Variants in FOXK2 observed in about 807,000 individuals in gnomAD.
FOXK2 encodes the protein forkhead box protein K2.
A neutral mutation model predicts 53.3 loss-of-function variants in FOXK2; 24 were observed. The ratio of observed to expected loss-of-function variants is 0.45; its 90% CI spans 0.33 to 0.63. The LOEUF (loss-of-function observed/expected upper bound fraction) is 0.63, where lower values mean the gene tolerates loss of function less well. FOXK2 is among the 30% of genes least tolerant of loss of function. The pLI, the probability that FOXK2 is intolerant of heterozygous loss-of-function variation, is 0.03. For missense variants in FOXK2, 952 were observed against 910.5 expected (o/e 1.05, Z -0.59); for synonymous variants, 505 against 407.1 (o/e 1.24, Z -2.89).
intron 1 of FOXK2, among the ~76,000 whole-genome samples, chr17:82,548,427 G>A (rs2044647039): frequency 6.6e-6 from 1 of 151,966 alleles, no homozygotes. Flanking sequence ...ATCTCTACAT[G>A]TGCTTTTGGC....
At chr17:82,561,923 G>A (rs1051835795) in intron 1 of FOXK2, among the ~76,000 whole-genome samples, 4 of 150,598 alleles carry the variant, frequency 2.7e-5, no homozygotes, top group Non-Finnish European at 4.4e-5. Flanking sequence ...GGGGGTGCCC[G>A]CACTGGGCGC....
At chr17:82,538,560 A>G (rs2044543289) in intron 1 of FOXK2, among the ~76,000 whole-genome samples, 1 of 152,264 alleles carries the variant, frequency 6.6e-6, no homozygotes, top group African/African-American at 2.4e-5. Context: ...TGTTGCAGAC[A>G]GAAGAATGCC....
At chr17:82,533,964 A>G (rs968666591) in intron 1 of FOXK2, among the ~76,000 whole-genome samples, 1 of 149,300 alleles carries the variant, frequency 6.7e-6, no homozygotes, top group East Asian at 2.0e-4. Flanking sequence ...ACACCGGTGC[A>G]CTCCAGCCCA....
chr17:82,529,775 A>G (rs1425182220), intron 1 of FOXK2, among the ~76,000 whole-genome samples: 2 of 151,990 alleles, frequency 1.3e-5, no homozygotes, highest in African/African-American at 2.4e-5. Flanking sequence ...TTGAAAGGAC[A>G]CTCTCGGAAT....
chr17:82,599,695 C>T (rs74717563), intron 8 of FOXK2: 6,747 of 152,408 alleles, frequency 0.044, 222 homozygotes, highest in Middle Eastern at 0.11. Context: ...GAGCTGACCA[C>T]GCACCTGGCC....
intron 4 of FOXK2, chr17:82,578,446 T>G (rs2045016954): frequency 6.6e-6 from 1 of 152,262 alleles, no homozygotes; most frequent in African/African-American, 2.4e-5. Context: ...CTGAAAGCTT[T>G]AAAATTTCTG....
At chr17:82,521,134 C>T (rs1459285152) in intron 1 of FOXK2, among the ~76,000 whole-genome samples, 1 of 152,156 alleles carries the variant, frequency 6.6e-6, no homozygotes, top group Non-Finnish European at 1.5e-5. Flanking sequence ...ACTTCTAGAT[C>T]ATTGCAAGTA....
intron 3 of FOXK2, among the ~76,000 whole-genome samples, chr17:82,568,872 G>A (rs372533705): frequency 2.1e-4 from 32 of 152,154 alleles, no homozygotes; most frequent in African/African-American, 7.7e-4. Context: ...AAAGCCAGGC[G>A]TGGTGGCACG....
chr17:82,601,511 G>A lies in FOXK2; in HGVS notation c.*12G>A, dbSNP rs1156364942. Reference sequence around the variant, plus strand: ...GTGTCCAGAACTAGCGACCGGGAGAGCTTTTCTTTAACGATATCAACTCTG... The same window carrying A: ...GTGTCCAGAACTAGCGACCGGGAGAACTTTTCTTTAACGATATCAACTCTG... On this transcript the variant is annotated 3_prime_UTR_variant, in exon 9 of 9. Coordinates refer to ENST00000335255, the MANE Select transcript of FOXK2 (RefSeq NM_004514.4). 1.9e-6 allele frequency: 3 copies of A among 1,591,652 alleles called. No individual in the cohort carries two copies. The highest frequency in any genetic ancestry group is 2.2e-5 in the East Asian group (1 of 44,456).
At chr17:82,559,127 CAG>C (rs1198490852) in intron 1 of FOXK2, among the ~76,000 whole-genome samples, 3 of 152,140 alleles carry the variant, frequency 2.0e-5, no homozygotes, top group African/African-American at 7.2e-5. Context: ...CTTCTGACCT[CAG>C]GGGATCCTCC....
intron 1 of FOXK2, among the ~76,000 whole-genome samples, chr17:82,545,881 C>T (rs1185443722): frequency 6.6e-6 from 1 of 151,920 alleles, no homozygotes; most frequent in African/African-American, 2.4e-5. Flanking sequence ...CGCGCTTGGC[C>T]GATGTGTTCA....
At chr17:82,571,582 C>A in intron 3 of FOXK2, 142 bp from the exon 4 acceptor site, 3 of 854,458 alleles carry the variant, frequency 3.5e-6, no homozygotes, top group African/African-American at 1.8e-5. Context: ...GCCTGGGCGA[C>A]ACAGCGAGAC....
chr17:82,577,420 C>T, intron 4 of FOXK2: 1 of 413,860 alleles, frequency 2.4e-6, no homozygotes, highest in Non-Finnish European at 4.5e-6. Context: ...GGCTCCTACC[C>T]CGCCTGTGGC....
rs1343099686 is a variant in FOXK2 at position 82,582,736 on chromosome 17, C to T, written c.910-5C>T. On this transcript the variant is annotated splice_region_variant and splice_polypyrimidine_tract_variant and intron_variant, in intron 4 of 8. Transcript: ENST00000335255. Reference sequence around the variant, plus strand: ...GAATTCTACGTATTTTTTTATGTTTCATAGAATTCAATTCGCCACAATCTC... The same window carrying T: ...GAATTCTACGTATTTTTTTATGTTTTATAGAATTCAATTCGCCACAATCTC... The T allele has an allele frequency of 6.4e-7, 1 of 1,558,022 alleles. No homozygotes were observed. Among genetic ancestry groups the T allele is most frequent in the Non-Finnish European group, 8.7e-7 (1 of 1,155,672 alleles).
At chr17:82,548,863 A>G (rs2044651000) in intron 1 of FOXK2, among the ~76,000 whole-genome samples, 1 of 152,122 alleles carries the variant, frequency 6.6e-6, no homozygotes, top group South Asian at 2.1e-4. Context: ...TCTCAAGAGC[A>G]TTCTCACCTC....
At chr17:82,595,646 T>C (rs914397941) in intron 8 of FOXK2, 4 of 574,096 alleles carry the variant, frequency 7.0e-6, no homozygotes, top group East Asian at 1.5e-4. Context: ...GCTATACATG[T>C]GGTCACGGTT....
intron 1 of FOXK2, among the ~76,000 whole-genome samples, chr17:82,545,202 CTGTTCT>C (rs1229150894): frequency 6.6e-6 from 1 of 152,182 alleles, no homozygotes; most frequent in African/African-American, 2.4e-5. Flanking sequence ...CTGGTACGGT[CTGTTCT>C]AGTGAAGACG....
chr17:82,569,209 C>T (rs889953338), intron 3 of FOXK2, among the ~76,000 whole-genome samples: 1 of 152,162 alleles, frequency 6.6e-6, no homozygotes. Context: ...GAAGTGTGAT[C>T]TATCCCAGCA....
In FOXK2 at chr17:82,531,748, C is replaced by T. The variant is rs182987004; in HGVS notation, c.419+11441C>T. Among the ~76,000 whole-genome samples, 472 of 152,256 alleles carry T rather than the reference C, an allele frequency of 3.1e-3. 2 individuals carry two copies. Among genetic ancestry groups the T allele is most frequent in the African/African-American group, 0.011 (443 of 41,536 alleles). Reference sequence around the variant, plus strand: ...CTTAGTGTCAGCAGAGCTTGCAGGACGGGGTGAGTCAGTGAGTAAATGGTG... The same window carrying T: ...CTTAGTGTCAGCAGAGCTTGCAGGATGGGGTGAGTCAGTGAGTAAATGGTG... On this transcript the variant is annotated intron_variant, in intron 1 of 8. Coordinates refer to ENST00000335255, the MANE Select transcript of FOXK2 (RefSeq NM_004514.4).
Sources: allele counts gnomAD v4.1 joint callset (sites outside exome capture counted in the v4.1 genomes callset), GRCh38; gene constraint gnomAD v4.1.1; transcripts MANE v1.5; gene names NCBI Gene and HGNC (gene_info 2026-07-23, HGNC 2026-07-21).